Variants in NHS observed in about 807,000 individuals in gnomAD.
The protein encoded by NHS is actin remodeling regulator NHS.
NHS carries 5 observed loss-of-function variants against 72.5 expected under a neutral mutation model. That is an observed-to-expected ratio of 0.07 (90% confidence interval 0.04 to 0.14). The LOEUF is 0.14. Ranked by LOEUF, NHS falls within the 10% of genes least tolerant of loss-of-function variation. The pLI is 1.00. For missense variants in NHS, 1,072 were observed against 1,355.7 expected, an observed-to-expected ratio of 0.79 and a Z score of 3.29; for synonymous variants, 464 against 547.7, an observed-to-expected ratio of 0.85 and a Z score of 2.13.
rs2066514933 is a variant in NHS at position 17,735,157 on chromosome X, A to G, written c.*2693A>G. 1 of 112,821 alleles carries G rather than the reference A, an allele frequency of 8.9e-6. No individual in the cohort carries two copies. Among genetic ancestry groups the G allele is most frequent in the Non-Finnish European group, 1.9e-5 (1 of 53,338 alleles). 9.3% of individuals were successfully genotyped at this position (112,821 alleles called of 1,213,427 possible). A position where few individuals can be genotyped will look rare whatever the true frequency, so the allele number is the denominator to read the frequency against. ...AGAGTTTCTCTATTTTATATTTCAT[A>G]GATTTAAAAAACCCAAATAAAGATG... On this transcript the variant is annotated 3_prime_UTR_variant, in exon 9 of 9. Transcript: ENST00000676302.
intron 3 of NHS, among the ~76,000 whole-genome samples, chrX:17,712,465 AG>A (rs1343196965): frequency 9.7e-6 from 1 of 102,609 alleles, no homozygotes; most frequent in Non-Finnish European, 2.0e-5. Flanking sequence ...TATATCTCTC[AG>A]GGAAAGGAAG....
chrX:17,555,228 ATT>A (rs374726103), intron 1 of NHS, among the ~76,000 whole-genome samples: 6 of 80,430 alleles, frequency 7.5e-5, no homozygotes, highest in Admixed American at 1.4e-4. Context: ...GCAGCGGGTT[ATT>A]TTTTTTTTTT....
At position 17,630,638 on chromosome X, in the gene NHS, C is replaced by A. The variant is rs189889821; in HGVS notation, c.566-57104C>A. On this transcript the variant is annotated intron_variant, in intron 1 of 8. Transcript: ENST00000676302. ...CGTGGGATCAGGCTGGAGCAAATATCCAGCTGAGACTATACTCCTGCTCAG... is the reference window on the plus strand; with the variant it reads ...CGTGGGATCAGGCTGGAGCAAATATACAGCTGAGACTATACTCCTGCTCAG... Among the ~76,000 whole-genome samples the A allele has an allele frequency of 1.5e-3, 169 of 111,501 alleles. 1 individual carries two copies. The highest frequency in any genetic ancestry group is 5.3e-3 in the African/African-American group (161 of 30,612).
chrX:17,723,770 T>TGTGC (rs541219770), intron 5 of NHS, among the ~76,000 whole-genome samples: 2,305 of 91,151 alleles, frequency 0.025, 83 homozygotes, highest in African/African-American at 0.08. Context: ...TGTGTGTGTG[T>TGTGC]GCGCGCGCGT....
chrX:17,731,410 G>T (rs2066486214), intron 8 of NHS, among the ~76,000 whole-genome samples: 1 of 108,453 alleles, frequency 9.2e-6, no homozygotes, highest in South Asian at 4.1e-4. Context: ...GCTAATTTTT[G>T]TATTTTTAGT....
chrX:17,433,476 A>C (rs1051096236), intron 1 of NHS, among the ~76,000 whole-genome samples: 2 of 110,571 alleles, frequency 1.8e-5, no homozygotes, highest in Non-Finnish European at 1.9e-5. Context: ...GGGCCTGCCT[A>C]TTCTAGGGCA....
intron 1 of NHS, among the ~76,000 whole-genome samples, chrX:17,622,476 C>T (rs1418625612): frequency 1.8e-5 from 2 of 111,899 alleles, no homozygotes; most frequent in African/African-American, 6.5e-5. Flanking sequence ...CTTGAAGCAA[C>T]CTCACTTCCT....
rs149439645 is a variant in NHS at position 17,453,815 on chromosome X, G to T, written c.565+77493G>T. ...ACTGCTCACTCTAGGAGTTCCTACT[G>T]ATATGTATCAGTCTGAGAGAGGGAA... On this transcript the variant is annotated intron_variant, in intron 1 of 8. Transcript: ENST00000676302. 1.1e-4 allele frequency among the ~76,000 whole-genome samples: 12 copies of T among 112,002 alleles called. 1 individual carries two copies. The East Asian group carries it at 3.4e-3, about 32-fold the overall frequency.
At position 17,635,455 on chromosome X, in the gene NHS, C is replaced by T. The variant is rs1015051038; in HGVS notation, c.566-52287C>T. The T allele has an allele frequency of 6.9e-6, 8 of 1,166,113 alleles. No individual in the cohort carries two copies. The Admixed American group carries it at 2.1e-4, about 30-fold the overall frequency. On this transcript the variant is annotated intron_variant, in intron 1 of 8. Transcript: ENST00000676302. ...GTTGCCCTCTCTCGCCCTCCATCCC[C>T]CCCGCCGTGCTTGCTGACTTAAGCA...
chrX:17,456,171 A>G (rs1051385236), intron 1 of NHS, among the ~76,000 whole-genome samples: 8 of 111,990 alleles, frequency 7.1e-5, no homozygotes, highest in Non-Finnish European at 1.3e-4. Flanking sequence ...ATGTATGGAG[A>G]TCTATGCATA....
At chrX:17,482,484 C>A (rs2064950187) in intron 1 of NHS, among the ~76,000 whole-genome samples, 1 of 112,544 alleles carries the variant, frequency 8.9e-6, no homozygotes, top group Non-Finnish European at 1.9e-5. Context: ...CTCGAGGAAT[C>A]TTCTAGTGCT....
chrX:17,557,741 A>G (rs113947232), intron 1 of NHS, among the ~76,000 whole-genome samples: 2 of 111,290 alleles, frequency 1.8e-5, no homozygotes, highest in African/African-American at 6.6e-5. Context: ...GCTTGCTCAT[A>G]TAGCTGTTGG....
rs184661226 is a variant in NHS, at chrX:17,412,411, A to G, written c.565+36089A>G. ...GGAGTTCAAGACCAGCCTGGGCAAC[A>G]TGGCAAAACCCCGTCTCTACTAAAA... is the stretch of plus-strand genomic sequence containing the variant. On this transcript the variant is annotated intron_variant, in intron 1 of 8. Transcript: ENST00000676302. 8.9e-3 allele frequency among the ~76,000 whole-genome samples: 977 copies of G among 110,188 alleles called. 6 individuals carry two copies. Among genetic ancestry groups the G allele is most frequent in the Middle Eastern group, 0.057 (12 of 212 alleles).
intron 1 of NHS, among the ~76,000 whole-genome samples, chrX:17,451,745 T>G (rs2064806405): frequency 8.9e-6 from 1 of 112,294 alleles, no homozygotes; most frequent in South Asian, 3.7e-4. Flanking sequence ...TACCCTCTTA[T>G]ATTTGTTAAA....
intron 1 of NHS, among the ~76,000 whole-genome samples, chrX:17,432,381 C>T (rs2064698103): frequency 8.9e-6 from 1 of 112,521 alleles, no homozygotes; most frequent in Non-Finnish European, 1.9e-5. Flanking sequence ...CTGCTTTGTA[C>T]ACAGTACCAA....
intron 1 of NHS, among the ~76,000 whole-genome samples, chrX:17,404,824 T>A (rs1020052166): frequency 2.7e-5 from 3 of 110,017 alleles, no homozygotes; most frequent in African/African-American, 1.0e-4. Context: ...TCTCTCTCTC[T>A]CTCTCTCCGT....
intron 1 of NHS, among the ~76,000 whole-genome samples, chrX:17,640,529 T>G (rs764522151): frequency 8.9e-6 from 1 of 112,358 alleles, no homozygotes; most frequent in South Asian, 3.7e-4. Context: ...ATGCAAATGC[T>G]TCCTCAGCTT....
At chrX:17,582,485 TAGG>T (rs1218943791) in intron 1 of NHS, among the ~76,000 whole-genome samples, 1 of 112,038 alleles carries the variant, frequency 8.9e-6, no homozygotes, top group Non-Finnish European at 1.9e-5. Flanking sequence ...GTTGTCCAGT[TAGG>T]AGGTGGATGA....
In NHS at chrX:17,561,570, G is replaced by GCACACA. The variant is rs1365009034; in HGVS notation, c.566-126171_566-126170insACACAC. Among the ~76,000 whole-genome samples the GCACACA allele has an allele frequency of 6.4e-3, 405 of 63,093 alleles. 7 individuals are homozygous for GCACACA. The highest frequency in any genetic ancestry group is 0.027 in the African/African-American group (381 of 14,029). 54.8% of individuals were successfully genotyped at this position (63,093 alleles called of 115,157 possible). Reference sequence around the variant, plus strand: ...CATGCAAGTGCATGCGCGCGCGCGCGCGCGCACACACACACACACACACAC... The same window carrying GCACACA: ...CATGCAAGTGCATGCGCGCGCGCGCGCACACACGCGCACACACACACACACACACAC... On this transcript the variant is annotated intron_variant, in intron 1 of 8. Transcript: ENST00000676302.
Sources: gnomAD v4.1 joint callset for allele counts (sites outside exome capture counted in the v4.1 genomes callset) on GRCh38, gnomAD v4.1.1 for gene constraint, MANE v1.5 for transcripts, NCBI Gene and HGNC (gene_info 2026-07-23, HGNC 2026-07-21) for gene names.